Variants in MYRIP observed in about 807,000 individuals in gnomAD.
MYRIP encodes the protein myosin VIIA and Rab interacting protein.
A neutral mutation model predicts 98.0 loss-of-function variants in MYRIP; 49 were observed. The observed-to-expected ratio is 0.50, with a 90% confidence interval of 0.40 to 0.63. The LOEUF (loss-of-function observed/expected upper bound fraction) is 0.63. Among genes scored for constraint, MYRIP ranks in the 30% least tolerant of loss-of-function variants. The probability of loss-of-function intolerance (pLI) is 0.00; values close to 1 mark genes in which losing one functional copy is unlikely to be tolerated. For synonymous variants in MYRIP, 404 were observed against 409.5 expected (o/e 0.99, Z 0.16); for missense variants, 1,004 against 1,058.2 (o/e 0.95, Z 0.71).
At chr3:40,026,983 C>T (rs1380323346) in intron 2 of MYRIP, among the ~76,000 whole-genome samples, 2 of 152,244 alleles carry the variant, frequency 1.3e-5, no homozygotes, top group Non-Finnish European at 2.9e-5. Flanking sequence ...CATCCATTCC[C>T]CTATGTGTAA....
chr3:40,160,876 A>C (rs1319139346), intron 4 of MYRIP, among the ~76,000 whole-genome samples: 1 of 152,104 alleles, frequency 6.6e-6, no homozygotes, highest in African/African-American at 2.4e-5. Flanking sequence ...CACGGTGCGC[A>C]CACCCACTGA....
At chr3:40,228,252 A>G (rs571776368) in intron 11 of MYRIP, among the ~76,000 whole-genome samples, 2 of 152,364 alleles carry the variant, frequency 1.3e-5, no homozygotes, top group African/African-American at 4.8e-5. Context: ...CTTTGCTGGG[A>G]CCAGGCACTT....
intron 16 of MYRIP, among the ~76,000 whole-genome samples, chr3:40,253,299 C>T (rs1451608862): frequency 1.3e-5 from 2 of 152,134 alleles, no homozygotes; most frequent in Non-Finnish European, 2.9e-5. Flanking sequence ...GTTCAACAGC[C>T]GCGGTATCCT....
chr3:39,854,387 CT>C (rs1942223265), intron 1 of MYRIP, among the ~76,000 whole-genome samples: 1 of 151,700 alleles, frequency 6.6e-6, no homozygotes, highest in South Asian at 2.1e-4. Context: ...AATTAAAAAC[CT>C]TTGTCTTCAG....
intron 1 of MYRIP, among the ~76,000 whole-genome samples, chr3:39,899,067 A>G (rs1006942078): frequency 1.3e-5 from 2 of 152,102 alleles, no homozygotes; most frequent in South Asian, 2.1e-4. Flanking sequence ...TGAAGCCCCT[A>G]TGTGATTATT....
Position 39,835,901 on chromosome 3 carries a change from T to C in MYRIP, c.-31+25985T>C, listed in dbSNP as rs1323202382. Among the ~76,000 whole-genome samples, 6 of 152,220 alleles carry C rather than the reference T, an allele frequency of 3.9e-5. 1 individual carries two copies. The highest frequency in any genetic ancestry group is 1.4e-4 in the African/African-American group (6 of 41,462). ...GAATGATGGTTTCCAGCTTCATCCA[T>C]GTCCCTGCAAAGGACATGAACTCAT... is the stretch of plus-strand genomic sequence containing the variant. On this transcript the variant is annotated intron_variant, in intron 1 of 16. Coordinates refer to ENST00000302541, the MANE Select transcript of MYRIP (RefSeq NM_015460.4).
At chr3:40,043,729 G>T (rs1298341033) in intron 2 of MYRIP, among the ~76,000 whole-genome samples, 1 of 152,086 alleles carries the variant, frequency 6.6e-6, no homozygotes, top group Admixed American at 6.6e-5. Context: ...TAAGTTAAAG[G>T]TTTTATTTTT....
chr3:39,839,338 A>T (rs9810267), intron 1 of MYRIP, among the ~76,000 whole-genome samples: 5,926 of 150,914 alleles, frequency 0.039, 227 homozygotes, highest in East Asian at 0.1. Context: ...GCTCACTGCA[A>T]CCTCCGCCTC....
chr3:40,252,709 G>A (rs1340833766), intron 16 of MYRIP, among the ~76,000 whole-genome samples: 1 of 152,220 alleles, frequency 6.6e-6, no homozygotes, highest in Non-Finnish European at 1.5e-5. Context: ...GAAGATGCAT[G>A]AGTAGCGGTC....
chr3:40,156,309 G>C lies in MYRIP; in HGVS notation c.469+5125G>C, dbSNP rs574160184. 3.6e-4 allele frequency among the ~76,000 whole-genome samples: 55 copies of C among 152,198 alleles called. No individual in the cohort carries two copies. In the South Asian group the frequency reaches 0.01, roughly 29 times the overall value. ...TGAAAGATCAGATAGTTGTAGATAT[G>C]CGGCATTATTTCTGAGGGCTCTGTT... On this transcript the variant is annotated intron_variant, in intron 4 of 16. Transcript: ENST00000302541.
At chr3:40,167,343 T>C (rs1950521558) in intron 7 of MYRIP, 104 bp downstream of exon 7, 1 of 1,018,084 alleles carries the variant, frequency 9.8e-7, no homozygotes, top group Admixed American at 2.0e-5. Context: ...TCTAGCACTG[T>C]ATCTTCTGTG....
intron 10 of MYRIP, among the ~76,000 whole-genome samples, chr3:40,203,932 TAA>T (rs1491285504): frequency 4.9e-3 from 1 of 206 alleles, no homozygotes; most frequent in African/African-American, 6.6e-3. Flanking sequence ...AAATATAATA[TAA>T]TATATATTAT....
At chr3:39,990,230 T>TG (rs1256682889) in intron 2 of MYRIP, among the ~76,000 whole-genome samples, 1 of 152,186 alleles carries the variant, frequency 6.6e-6, no homozygotes, top group Non-Finnish European at 1.5e-5. Context: ...CTCCCTTGGC[T>TG]GGGGGGAGTG....
At chr3:39,970,951 CAG>C (rs1050188741) in intron 2 of MYRIP, among the ~76,000 whole-genome samples, 2 of 152,050 alleles carry the variant, frequency 1.3e-5, no homozygotes, top group Non-Finnish European at 2.9e-5. Context: ...GAGGGAAAAA[CAG>C]AAGTTTTGTT....
chr3:40,033,909 A>G (rs1396927216), intron 2 of MYRIP, among the ~76,000 whole-genome samples: 1 of 152,154 alleles, frequency 6.6e-6, no homozygotes, highest in African/African-American at 2.4e-5. Context: ...GCCCTCAGAA[A>G]TAATGCCACA....
chr3:40,089,796 C>T (rs1948707522), intron 3 of MYRIP, among the ~76,000 whole-genome samples: 1 of 152,118 alleles, frequency 6.6e-6, no homozygotes, highest in African/African-American at 2.4e-5. Flanking sequence ...TGCAGAATTG[C>T]ATTTGCTTCC....
chr3:40,117,110 A>G (rs1022223437), intron 3 of MYRIP, among the ~76,000 whole-genome samples: 3 of 152,078 alleles, frequency 2.0e-5, no homozygotes, highest in African/African-American at 4.8e-5. Flanking sequence ...CTGCCTTTCA[A>G]TCCCCCCGCC....
chr3:40,244,341 A>C (rs1352079442), intron 12 of MYRIP, 105 bp from the exon 13 acceptor site: 1 of 958,104 alleles, frequency 1.0e-6, no homozygotes, highest in Non-Finnish European at 1.5e-6. Context: ...CTGCAATGTG[A>C]AGTCCAGTTA....
At chr3:39,906,963 G>T (rs1363781870) in intron 2 of MYRIP, among the ~76,000 whole-genome samples, 1 of 152,192 alleles carries the variant, frequency 6.6e-6, no homozygotes, top group Non-Finnish European at 1.5e-5. Context: ...TTAGGGGTGG[G>T]AGAGGTTAAG....
Sources: allele counts gnomAD v4.1 joint callset (sites outside exome capture counted in the v4.1 genomes callset), GRCh38; gene constraint gnomAD v4.1.1; transcripts MANE v1.5; gene names NCBI Gene and HGNC (gene_info 2026-07-23, HGNC 2026-07-21).